NOL8: variants seen among roughly 807,000 people sequenced by gnomAD.
NOL8 encodes the protein nucleolar protein Nop132.
In NOL8, 93 loss-of-function variants were observed where a neutral mutation model predicts 116.1. The observed-to-expected ratio is 0.80, with a 90% CI of 0.68 to 0.95. The LOEUF (loss-of-function observed/expected upper bound fraction) is 0.95, where lower values mean the gene tolerates loss of function less well. NOL8 is among the 40% of genes least tolerant of loss of function. The pLI, the probability that NOL8 is intolerant of heterozygous loss-of-function variation, is 0.00. For missense variants in NOL8, 1,291 were observed against 1,382.8 expected, an observed-to-expected ratio of 0.93 and a Z score of 1.05; for synonymous variants, 419 against 469.0, an observed-to-expected ratio of 0.89 and a Z score of 1.38.
rs375193411 is a variant in NOL8, at chr9:92,301,600, G to A, written c.3126C>T (p.Ser1042=). The A allele has an allele frequency of 6.7e-5, 108 of 1,606,968 alleles. No homozygotes were observed. In the African/African-American group the frequency reaches 8.3e-4, roughly 12 times the overall value. ...AALTSDAEQP[S]GFTFSFFDSD... is the part of the protein sequence containing the mutation. ...AATCAAAAAAAGAGAACGTGAACCCGCTGGGCTGCTCAGCGTCACTGGTCA... is the reference window on the plus strand; with the variant it reads ...AATCAAAAAAAGAGAACGTGAACCCACTGGGCTGCTCAGCGTCACTGGTCA... The change falls in exon 13 of 17, where the codon AGC becomes AGT. Residue 1042 remains serine (S), a synonymous_variant. Transcript: ENST00000442668.
At chr9:92,303,860 G>A (rs1338550258) in intron 12 of NOL8, among the ~76,000 whole-genome samples, 1 of 152,102 alleles carries the variant, frequency 6.6e-6, no homozygotes, top group Non-Finnish European at 1.5e-5. Context: ...GGGCTTCTAT[G>A]GAGGTTAGAG....
In NOL8 at chr9:92,314,753, T is replaced by G; in HGVS notation, c.1872A>C (p.Leu624Phe). 6.2e-7 allele frequency: 1 copy of G among 1,613,882 alleles called. No homozygotes were observed. Among genetic ancestry groups the G allele is most frequent in the South Asian group, 1.1e-5 (1 of 91,028 alleles). The change falls in exon 7 of 17, where the codon TTA becomes TTC. Residue 624 changes from leucine (L) to phenylalanine (F), a missense_variant. Coordinates refer to ENST00000442668, the MANE Select transcript of NOL8 (RefSeq NM_017948.6). ...EDGSPYVNGS[L>F]GEVTPCQHAK... ...CATGTTGGCATGGAGTCACTTCACC[T>G]AATGAGCCATTAACATATGGGGACC...
At chr9:92,319,432 G>GCACA in intron 4 of NOL8, 76 bp from the exon 5 acceptor site, 1 of 1,385,018 alleles carries the variant, frequency 7.2e-7, no homozygotes, top group Non-Finnish European at 9.5e-7. Flanking sequence ...CTTTAGGTGT[G>GCACA]CCTAAATGAG....
At chr9:92,304,897 C>T (rs1838092461) in intron 12 of NOL8, among the ~76,000 whole-genome samples, 1 of 152,020 alleles carries the variant, frequency 6.6e-6, no homozygotes, top group African/African-American at 2.4e-5. Context: ...ACCACACTGC[C>T]TTTTGTGATT....
At position 92,323,448 on chromosome 9, in the gene NOL8, C is replaced by A; in HGVS notation, c.195G>T (p.Leu65=). 4 of 1,603,928 alleles carry A rather than the reference C, an allele frequency of 2.5e-6. No individual in the cohort carries two copies. The highest frequency in any genetic ancestry group is 3.4e-6 in the Non-Finnish European group (4 of 1,175,002). Residue 65 remains leucine, a synonymous_variant, in exon 3 of 17, where the codon CTG becomes CTT. Transcript: ENST00000442668. The part of the protein sequence containing the change: ...YINISVAEAD[L]KKCMSVLNKT... ...AATATATGATGATCTTACATTTTTT[C>A]AGGTCCGCTTCTGCTACACTGATGT...
Position 92,314,933 on chromosome 9 carries a change from G to T in NOL8, c.1692C>A (p.Asn564Lys), listed in dbSNP as rs939432569. The T allele has an allele frequency of 6.2e-7, 1 of 1,613,660 alleles. No individual in the cohort carries two copies. Among genetic ancestry groups the T allele is most frequent in the African/African-American group, 1.3e-5 (1 of 74,894 alleles). Reference protein sequence around the residue: ...NTCGKQKPKENNLKPKFQAFK... With the variant: ...NTCGKQKPKEKNLKPKFQAFK... ...AAGCCTGAAATTTTGGCTTTAAATTGTTTTCCTTTGGTTTCTGTTTGCCAC... is the reference window on the plus strand; with the variant it reads ...AAGCCTGAAATTTTGGCTTTAAATTTTTTTCCTTTGGTTTCTGTTTGCCAC... Residue 564 changes from asparagine to lysine, a missense_variant, in exon 7 of 17, where the codon AAC (asparagine) becomes AAA (lysine). Transcript: ENST00000442668.
At chr9:92,317,602 GTCAA>G (rs1839527217) in intron 6 of NOL8, among the ~76,000 whole-genome samples, 1 of 152,154 alleles carries the variant, frequency 6.6e-6, no homozygotes, top group African/African-American at 2.4e-5. Context: ...TACTGCAGTT[GTCAA>G]TCAGTGGGGA....
At position 92,314,779 on chromosome 9, in the gene NOL8, C is replaced by T. The variant is rs1392790063; in HGVS notation, c.1846G>A (p.Gly616Arg). The T allele has an allele frequency of 6.2e-7, 1 of 1,613,772 alleles. No individual in the cohort carries two copies. The highest frequency in any genetic ancestry group is 1.1e-5 in the South Asian group (1 of 91,026). Residue 616 changes from glycine to arginine, a missense_variant, in exon 7 of 17, where the codon GGG becomes AGG. Transcript: ENST00000442668. The part of the protein sequence containing the change: ...EDPSIISMED[G>R]SPYVNGSLGE... ...AATGAGCCATTAACATATGGGGACC[C>T]ATCTTCCATGGATATGATACTGGGA...
intron 12 of NOL8, among the ~76,000 whole-genome samples, chr9:92,304,002 G>T (rs1837995276): frequency 6.6e-6 from 1 of 152,112 alleles, no homozygotes; most frequent in African/African-American, 2.4e-5. Context: ...AACTTATGAA[G>T]ATTTTAAGAG....
rs1391390770 is a variant in NOL8 at position 92,300,926 on chromosome 9, G to GTA, written c.3175+623_3175+624dup. 3 of 927,606 alleles carry GTA rather than the reference G, an allele frequency of 3.2e-6. No individual in the cohort carries two copies. The African/African-American group carries it at 5.3e-5, about 16-fold the overall frequency. 57.5% of individuals were successfully genotyped at this position (927,606 alleles called of 1,614,324 possible). On this transcript the variant is annotated intron_variant, in intron 13 of 16. Transcript: ENST00000442668. ...GGTATGTGTGTATTCTTCTGTATAG[G>GTA]TATTACCTGCTTTTACAGTGGGAAC...
intron 14 of NOL8, 148 bp downstream of exon 14, chr9:92,299,742 A>T: frequency 1.3e-6 from 1 of 766,958 alleles, no homozygotes; most frequent in Non-Finnish European, 2.0e-6. Flanking sequence ...ACAGAGCAAC[A>T]CTCCGTCTCA....
Position 92,315,610 on chromosome 9 carries a change from C to T in NOL8, c.1015G>A (p.Asp339Asn), listed in dbSNP as rs754554924. 6.2e-7 allele frequency: 1 copy of T among 1,613,272 alleles called. No homozygotes were observed. The highest frequency in any genetic ancestry group is 8.5e-7 in the Non-Finnish European group (1 of 1,179,674). Reference sequence around the variant, plus strand: ...TTGTGAACGCCTGATTTGAAATCATCCCTTACAACTTCAAAAGGATCACTT... The same window carrying T: ...TTGTGAACGCCTGATTTGAAATCATTCCTTACAACTTCAAAAGGATCACTT... ...SESDPFEVVRDDFKSGVHKLH... is the reference protein window; with the variant it reads ...SESDPFEVVRNDFKSGVHKLH... Residue 339 changes from aspartate to asparagine, a missense_variant, in exon 7 of 17, where the codon GAT becomes AAT. Transcript: ENST00000442668.
chr9:92,302,748 T>G (rs1222613385), intron 12 of NOL8, among the ~76,000 whole-genome samples: 1 of 152,218 alleles, frequency 6.6e-6, no homozygotes, highest in Non-Finnish European at 1.5e-5. Context: ...CTGGACTTAG[T>G]GACTCTTTTA....
At chr9:92,307,796 G>A (rs1838409610) in intron 10 of NOL8, among the ~76,000 whole-genome samples, 1 of 152,330 alleles carries the variant, frequency 6.6e-6, no homozygotes, top group African/African-American at 2.4e-5. Flanking sequence ...ATCAAAAGAT[G>A]CTTTATAAAC....
rs1436833027 is a variant in NOL8, at chr9:92,301,804, C to G, written c.2922G>C (p.Lys974Asn). The G allele has an allele frequency of 1.9e-6, 3 of 1,589,716 alleles. No individual in the cohort carries two copies. The highest frequency in any genetic ancestry group is 2.6e-6 in the Non-Finnish European group (3 of 1,167,338). The change falls in exon 13 of 17, where the codon AAG becomes AAC. Residue 974 changes from lysine to asparagine, a missense_variant. Transcript: ENST00000442668. Reference protein sequence around the residue: ...KPKESKAKRKKKREEAEKLPE... With the variant: ...KPKESKAKRKNKREEAEKLPE... ...GTAGTTTCTCAGCTTCCTCCCTTTTCTTTTTTCGTTTTGCTTTACTGAAAT... is the reference window on the plus strand; with the variant it reads ...GTAGTTTCTCAGCTTCCTCCCTTTTGTTTTTTCGTTTTGCTTTACTGAAAT...
chr9:92,300,006 T>C lies in NOL8; in HGVS notation c.3186A>G (p.Arg1062=). 1 of 1,613,262 alleles carries C rather than the reference T, an allele frequency of 6.2e-7. No homozygotes were observed. Among genetic ancestry groups the C allele is most frequent in the Non-Finnish European group, 8.5e-7 (1 of 1,179,414 alleles). ...TCTTTCCAGGTTTCACTGTTTCAAC[T>C]CTGTAGGTCTCTATATCGTTATGAC... The part of the protein sequence containing the change: ...DTKDIKEETY[R]VETVKPGKIV... The change falls in exon 14 of 17, where the codon AGA becomes AGG. Residue 1062 remains arginine, a synonymous_variant. Coordinates refer to ENST00000442668, the MANE Select transcript of NOL8 (RefSeq NM_017948.6).
Position 92,311,164 on chromosome 9 carries a change from T to C in NOL8, c.2454A>G (p.Pro818=). The change falls in exon 8 of 17, where the codon CCA becomes CCG. Residue 818 remains proline, a synonymous_variant. Transcript: ENST00000442668. The part of the protein sequence containing the change: ...EETSTQEQSH[P]GEEWVKESMG... ...TTCTTACTTTCACCCATTCCTCTCC[T>C]GGATGGCTCTGCTCCTGAGTCGATG... 1 of 1,613,514 alleles carries C rather than the reference T, an allele frequency of 6.2e-7. No individual in the cohort carries two copies. Among genetic ancestry groups the C allele is most frequent in the Non-Finnish European group, 8.5e-7 (1 of 1,179,548 alleles).
intron 2 of NOL8, 30 bp from the exon 3 acceptor site, chr9:92,323,533 C>A: frequency 1.3e-6 from 2 of 1,514,208 alleles, no homozygotes; most frequent in African/African-American, 1.4e-5. Context: ...ACAAACAAAA[C>A]AATTTATTTA....
At chr9:92,311,114 G>C (rs1465364609) in intron 8 of NOL8, 32 bp downstream of exon 8, 4 of 1,508,260 alleles carry the variant, frequency 2.7e-6, no homozygotes, top group Non-Finnish European at 2.8e-6. Flanking sequence ...AGAAGTAGAT[G>C]AATGTCCACA....
Sources: gnomAD v4.1 joint callset for allele counts (sites outside exome capture counted in the v4.1 genomes callset) on GRCh38, gnomAD v4.1.1 for gene constraint, MANE v1.5 for transcripts, NCBI Gene and HGNC (gene_info 2026-07-23, HGNC 2026-07-21) for gene names.